The following LRRIQ1 variants were observed in gnomAD, a reference collection of about 807,000 sequenced individuals.
The protein encoded by LRRIQ1 is leucine rich repeats and IQ motif containing 1.
Under a neutral mutation model 211.9 loss-of-function variants are expected in LRRIQ1, and 210 were observed. The observed-to-expected ratio is 0.99, with a 90% CI of 0.89 to 1.11. The LOEUF is 1.11. LRRIQ1 is among the 50% of genes most tolerant of loss of function. The probability of loss-of-function intolerance (pLI) is 0.00; values close to 1 mark genes in which losing one functional copy is unlikely to be tolerated. For missense variants in LRRIQ1, 2,136 were observed against 1,939.5 expected (o/e 1.10, Z -1.90); for synonymous variants, 699 against 650.1 (o/e 1.08, Z -1.14).
chr12:85,143,445 G>T (rs1889677680), intron 19 of LRRIQ1, among the ~76,000 whole-genome samples: 1 of 151,484 alleles, frequency 6.6e-6, no homozygotes, highest in Non-Finnish European at 1.5e-5. Flanking sequence ...TGCTGCACTG[G>T]AGCTTTTTAA....
chr12:85,138,361 A>G (rs1222470846), intron 19 of LRRIQ1, among the ~76,000 whole-genome samples: 1 of 151,586 alleles, frequency 6.6e-6, no homozygotes, highest in Non-Finnish European at 1.5e-5. Context: ...AGTCTCCTTT[A>G]AACTAGAATA....
chr12:85,229,412 A>ATT, intron 24 of LRRIQ1, 105 bp from the exon 25 acceptor site: 3 of 852,600 alleles, frequency 3.5e-6, no homozygotes, highest in Non-Finnish European at 5.2e-6. Context: ...ATAAGTTAGT[A>ATT]TTTTTTTTTC....
intron 24 of LRRIQ1, among the ~76,000 whole-genome samples, chr12:85,197,928 TATAATTATATATATTTATATATAATTA>T: frequency 9.0e-6 from 1 of 111,168 alleles, no homozygotes; most frequent in African/African-American, 3.4e-5. Flanking sequence ...ATATATATAA[TATAATTATATATATTTATATATAATTA>T]TATATTATAT....
chr12:85,260,887 GC>G (rs1158628428), intron 1 of LRRIQ1, among the ~76,000 whole-genome samples: 1 of 152,058 alleles, frequency 6.6e-6, no homozygotes, highest in African/African-American at 2.4e-5. Context: ...TGCATTTTAG[GC>G]CAATAGTTTA....
chr12:85,153,973 G>A (rs1422786968), intron 22 of LRRIQ1, 39 bp from the exon 23 acceptor site: 2 of 1,316,436 alleles, frequency 1.5e-6, no homozygotes, highest in Admixed American at 2.4e-5. Context: ...TATGATCCGG[G>A]TATTTGTTTT....
chr12:85,190,302 T>A (rs911435981), intron 24 of LRRIQ1, among the ~76,000 whole-genome samples: 11 of 144,262 alleles, frequency 7.6e-5, no homozygotes, highest in Non-Finnish European at 1.1e-4. Context: ...TAATTTATGT[T>A]ATTAACTGTA....
At chr12:85,104,596 A>T (rs1013970062) in intron 14 of LRRIQ1, among the ~76,000 whole-genome samples, 4 of 151,874 alleles carry the variant, frequency 2.6e-5, no homozygotes, top group Non-Finnish European at 5.9e-5. Context: ...TGATATTAGC[A>T]TCTGACATTC....
intron 18 of LRRIQ1, among the ~76,000 whole-genome samples, chr12:85,131,737 G>A (rs145436387): frequency 6.6e-6 from 1 of 152,140 alleles, no homozygotes; most frequent in East Asian, 1.9e-4. Context: ...TATGCTACAG[G>A]GGGTAAGAGT....
At chr12:85,052,498 G>T (rs1210822411) in intron 7 of LRRIQ1, among the ~76,000 whole-genome samples, 1 of 151,972 alleles carries the variant, frequency 6.6e-6, no homozygotes, top group Non-Finnish European at 1.5e-5. Context: ...TTTAAGGTTT[G>T]ATGAAATGTA....
intron 11 of LRRIQ1, among the ~76,000 whole-genome samples, chr12:85,082,657 C>T (rs1884423833): frequency 6.6e-6 from 1 of 152,108 alleles, no homozygotes; most frequent in African/African-American, 2.4e-5. Context: ...TGAAATTGCT[C>T]TTAATCGAGC....
intron 24 of LRRIQ1, among the ~76,000 whole-genome samples, chr12:85,211,539 A>G (rs1893837808): frequency 6.6e-6 from 1 of 152,146 alleles, no homozygotes; most frequent in Admixed American, 6.5e-5. Flanking sequence ...GAGAGAGAGA[A>G]AGTATTGGAA....
At chr12:85,226,603 C>T (rs1172021399) in intron 24 of LRRIQ1, among the ~76,000 whole-genome samples, 1 of 144,888 alleles carries the variant, frequency 6.9e-6, no homozygotes, top group Non-Finnish European at 1.5e-5. Context: ...CATATGTATA[C>T]ATGTGCCATG....
In LRRIQ1 at chr12:85,056,387, T is replaced by C. The variant is rs746088696; in HGVS notation, c.1594T>C (p.Ser532Pro). 1 of 1,588,868 alleles carries C rather than the reference T, an allele frequency of 6.3e-7. No individual in the cohort carries two copies. Among genetic ancestry groups the C allele is most frequent in the Non-Finnish European group, 8.5e-7 (1 of 1,173,588 alleles). Residue 532 changes from serine (S) to proline (P), a missense_variant, in exon 8 of 27, where the codon TCT becomes CCT. Coordinates refer to ENST00000393217, the MANE Select transcript of LRRIQ1 (RefSeq NM_001079910.2). ...KEQFPLQELK[S>P]DAQKEEKIMK... ...ACAGTTTCCATTGCAAGAATTAAAGTCTGATGCACAAAAAGAAGAAAAAAT... is the reference window on the plus strand; with the variant it reads ...ACAGTTTCCATTGCAAGAATTAAAGCCTGATGCACAAAAAGAAGAAAAAAT...
At chr12:85,162,026 G>C (rs1256878452) in intron 24 of LRRIQ1, among the ~76,000 whole-genome samples, 1 of 151,118 alleles carries the variant, frequency 6.6e-6, no homozygotes, top group South Asian at 2.1e-4. Flanking sequence ...GCGACAGAGC[G>C]AGACTCCACC....
At chr12:85,113,614 C>T (rs1592820201) in intron 15 of LRRIQ1, among the ~76,000 whole-genome samples, 1 of 151,950 alleles carries the variant, frequency 6.6e-6, no homozygotes, top group African/African-American at 2.4e-5. Flanking sequence ...TGAGAAATTG[C>T]GTGTTTCTGC....
At chr12:85,258,270 A>G (rs984429708) in intron 1 of LRRIQ1, among the ~76,000 whole-genome samples, 1 of 151,916 alleles carries the variant, frequency 6.6e-6, no homozygotes, top group Non-Finnish European at 1.5e-5. Context: ...TACCAAACAT[A>G]AGTGATTTTC....
chr12:85,062,597 A>T (rs919121704), intron 8 of LRRIQ1, among the ~76,000 whole-genome samples: 24 of 148,750 alleles, frequency 1.6e-4, no homozygotes, highest in Admixed American at 1.1e-3. Context: ...AATCTAATCC[A>T]CTGTTGATGA....
chr12:85,160,578 A>G (rs1890810180), intron 23 of LRRIQ1, 35 bp from the exon 24 acceptor site: 1 of 1,337,814 alleles, frequency 7.5e-7, no homozygotes, highest in South Asian at 1.2e-5. Flanking sequence ...TTAACCAAAG[A>G]TGAACTCTGC....
chr12:85,057,441 T>G (rs1350078940), intron 8 of LRRIQ1, among the ~76,000 whole-genome samples: 1 of 152,024 alleles, frequency 6.6e-6, no homozygotes, highest in African/African-American at 2.4e-5. Context: ...TCAAGGGCCC[T>G]CCAGTCATTA....
Sources: gnomAD v4.1 joint callset for allele counts (sites outside exome capture counted in the v4.1 genomes callset) on GRCh38, gnomAD v4.1.1 for gene constraint, MANE v1.5 for transcripts, NCBI Gene and HGNC (gene_info 2026-07-23, HGNC 2026-07-21) for gene names.